The following DNM1L variants were observed in gnomAD, a reference collection of about 807,000 sequenced individuals.
DNM1L encodes the protein dynamin-1-like protein.
A neutral mutation model predicts 92.8 loss-of-function variants in DNM1L; 33 were observed. The observed-to-expected ratio is 0.36, with a 90% CI of 0.27 to 0.48. The LOEUF (loss-of-function observed/expected upper bound fraction) is 0.48. Ranked by LOEUF, DNM1L falls within the 20% of genes least tolerant of loss-of-function variation. The pLI is 0.99. For synonymous variants in DNM1L, 284 were observed against 305.0 expected (o/e 0.93, Z 0.72); for missense variants, 485 against 888.8 (o/e 0.55, Z 5.78).
chr12:32,712,031 C>T (rs1283120773), intron 5 of DNM1L, among the ~76,000 whole-genome samples: 2 of 152,262 alleles, frequency 1.3e-5, no homozygotes, highest in East Asian at 1.9e-4. Flanking sequence ...AGAACTCAAT[C>T]GTGTTTTATA....
At chr12:32,702,418 C>T (rs1303447484) in intron 2 of DNM1L, among the ~76,000 whole-genome samples, 4 of 151,888 alleles carry the variant, frequency 2.6e-5, no homozygotes, top group East Asian at 1.9e-4. Flanking sequence ...ATGAGAGTAA[C>T]GTATTTAATC....
intron 16 of DNM1L, among the ~76,000 whole-genome samples, chr12:32,739,008 GCT>G (rs944454581): frequency 1.3e-5 from 2 of 152,034 alleles, no homozygotes; most frequent in Non-Finnish European, 2.9e-5. Flanking sequence ...CACTGAATGT[GCT>G]CTCTCTCCTT....
At chr12:32,732,716 CT>C (rs1954630806) in intron 12 of DNM1L, 1 of 401,588 alleles carries the variant, frequency 2.5e-6, no homozygotes, top group Admixed American at 3.0e-5. Flanking sequence ...TTAATAGACC[CT>C]TTTTACCCAG....
intron 2 of DNM1L, among the ~76,000 whole-genome samples, chr12:32,702,170 G>GT (rs1022288850): frequency 3.4e-5 from 5 of 146,640 alleles, no homozygotes; most frequent in Non-Finnish European, 7.4e-5. Flanking sequence ...GGAGGCAGAG[G>GT]TTGCAGTGAG....
At chr12:32,685,021 G>A (rs12322195) in intron 1 of DNM1L, among the ~76,000 whole-genome samples, 1 of 149,860 alleles carries the variant, frequency 6.7e-6, no homozygotes, top group Non-Finnish European at 1.5e-5. Flanking sequence ...CTCACCGCAA[G>A]CTCCGCCTCC....
rs551449632 is a variant in DNM1L at position 32,738,310 on chromosome 12, T to C, written c.1707+14T>C. 9 of 1,613,572 alleles carry C rather than the reference T, an allele frequency of 5.6e-6. No individual in the cohort carries two copies. In the South Asian group the frequency reaches 6.6e-5, roughly 12 times the overall value. Reference sequence around the variant, plus strand: ...GAAACTAAAAATGTGAGTCTCTTGCTTCAGAATGGAAATGTTGGTACCTTT... The same window carrying C: ...GAAACTAAAAATGTGAGTCTCTTGCCTCAGAATGGAAATGTTGGTACCTTT... On this transcript the variant is annotated intron_variant, in intron 16 of 19. Coordinates refer to ENST00000549701, the MANE Select transcript of DNM1L (RefSeq NM_012062.5).
At chr12:32,718,373 C>T (rs1953646748) in intron 6 of DNM1L, among the ~76,000 whole-genome samples, 1 of 151,802 alleles carries the variant, frequency 6.6e-6, no homozygotes, top group Non-Finnish European at 1.5e-5. Flanking sequence ...AACTCCTGAT[C>T]TCAGGTGATC....
intron 16 of DNM1L, chr12:32,739,803 G>T (rs1955155311): frequency 2.3e-6 from 1 of 435,190 alleles, no homozygotes; most frequent in South Asian, 3.2e-5. Flanking sequence ...GTTAGCGAAT[G>T]ATAAAGAAAA....
At chr12:32,686,045 C>CTTCTTTT (rs1951998367) in intron 1 of DNM1L, among the ~76,000 whole-genome samples, 1 of 82,688 alleles carries the variant, frequency 1.2e-5, no homozygotes, top group Non-Finnish European at 2.2e-5. Flanking sequence ...TAAAATTAGC[C>CTTCTTTT]TTTTTTTTTT....
intron 1 of DNM1L, among the ~76,000 whole-genome samples, chr12:32,687,219 AT>A (rs973544896): frequency 1.4e-4 from 21 of 150,462 alleles, no homozygotes; most frequent in Non-Finnish European, 2.7e-4. Context: ...AGCCGTGAAG[AT>A]TTTTTTTTAT....
intron 12 of DNM1L, chr12:32,733,505 T>G: frequency 1.8e-6 from 1 of 543,822 alleles, no homozygotes; most frequent in Non-Finnish European, 3.2e-6. Flanking sequence ...AATGCAGTTT[T>G]AGATGCTGAA....
chr12:32,712,326 C>T lies in DNM1L; in HGVS notation c.457-883C>T, dbSNP rs529948190. ...TAACTCCTGTTGCTTCAGCCTCCTG[C>T]CCTTATTGTTCACTCTCTTTGGAAT... On this transcript the variant is annotated intron_variant, in intron 5 of 19. Transcript: ENST00000549701. 9.9e-5 allele frequency among the ~76,000 whole-genome samples: 15 copies of T among 152,204 alleles called. No individual in the cohort carries two copies. The East Asian group carries it at 1.7e-3, about 18-fold the overall frequency.
chr12:32,710,307 A>T (rs974127230), intron 4 of DNM1L, among the ~76,000 whole-genome samples: 1 of 152,248 alleles, frequency 6.6e-6, no homozygotes, highest in Admixed American at 6.5e-5. Context: ...ACAACTTGTT[A>T]TCTACGCCTT....
At chr12:32,681,547 CTA>C (rs1158448385) in intron 1 of DNM1L, among the ~76,000 whole-genome samples, 1 of 148,664 alleles carries the variant, frequency 6.7e-6, no homozygotes, top group African/African-American at 2.5e-5. Context: ...AGAATAGAAA[CTA>C]TTTTCTCCCC....
chr12:32,714,130 C>T (rs1953255718), intron 6 of DNM1L, among the ~76,000 whole-genome samples: 1 of 152,006 alleles, frequency 6.6e-6, no homozygotes, highest in Non-Finnish European at 1.5e-5. Flanking sequence ...TTTCACCTTA[C>T]TATTCAGAGG....
In DNM1L at chr12:32,708,231, A is replaced by G. The variant is rs1362355453; in HGVS notation, c.369+7A>G. 2 of 1,538,942 alleles carry G rather than the reference A, an allele frequency of 1.3e-6. No homozygotes were observed. The highest frequency in any genetic ancestry group is 1.8e-6 in the Non-Finnish European group (2 of 1,112,322). ...AATTTCAGGAAATAATAAGGTAGGC[A>G]TCTTTTTAGAGCTAGAAGGCATAAG... On this transcript the variant is annotated splice_region_variant and intron_variant, in intron 4 of 19. Transcript: ENST00000549701.
intron 1 of DNM1L, among the ~76,000 whole-genome samples, chr12:32,691,243 T>C (rs1952219088): frequency 6.6e-6 from 1 of 152,042 alleles, no homozygotes; most frequent in South Asian, 2.1e-4. Context: ...AGCACCCCAG[T>C]AGCCTTGTTT....
chr12:32,692,791 G>T (rs1174799039), intron 1 of DNM1L: 2 of 152,138 alleles, frequency 1.3e-5, no homozygotes, highest in African/African-American at 4.8e-5. Flanking sequence ...GTATAATAGG[G>T]ATATATCAGG....
chr12:32,679,495 C>T (rs1592548382), intron 1 of DNM1L, 30 bp downstream of exon 1: 1 of 1,588,512 alleles, frequency 6.3e-7, no homozygotes, highest in East Asian at 2.2e-5. Flanking sequence ...TTCGCTCGGG[C>T]CAGACCCCGG....
Sources: gnomAD v4.1 joint callset for allele counts (sites outside exome capture counted in the v4.1 genomes callset) on GRCh38, gnomAD v4.1.1 for gene constraint, MANE v1.5 for transcripts, NCBI Gene and HGNC (gene_info 2026-07-23, HGNC 2026-07-21) for gene names.